MYT1L: variants seen among roughly 807,000 people sequenced by gnomAD.
MYT1L encodes myelin transcription factor 1-like protein.
Under a neutral mutation model 126.7 loss-of-function variants are expected in MYT1L, and 12 were observed. The observed-to-expected ratio is 0.09, with a 90% CI of 0.06 to 0.15. The LOEUF (loss-of-function observed/expected upper bound fraction) is 0.15, where lower values mean the gene tolerates loss of function less well. MYT1L is among the 10% of genes least tolerant of loss of function. The probability of loss-of-function intolerance (pLI) is 1.00; values close to 1 mark genes in which losing one functional copy is unlikely to be tolerated. For missense variants in MYT1L, 979 were observed against 1,585.2 expected, an observed-to-expected ratio of 0.62 and a Z score of 6.49; for synonymous variants, 541 against 604.2, an observed-to-expected ratio of 0.90 and a Z score of 1.53.
intron 1 of MYT1L, among the ~76,000 whole-genome samples, chr2:2,322,160 G>GT (rs113836212): frequency 2.0e-3 from 288 of 145,306 alleles, no homozygotes; most frequent in Middle Eastern, 3.7e-3. Context: ...ATATTTACCT[G>GT]TTTTTTTTTT....
intron 2 of MYT1L, among the ~76,000 whole-genome samples, chr2:2,221,890 T>G (rs1020700402): frequency 2.0e-5 from 3 of 152,198 alleles, no homozygotes; most frequent in Non-Finnish European, 4.4e-5. Context: ...CACTAGCCCC[T>G]CTGTGAAGCT....
intron 3 of MYT1L, among the ~76,000 whole-genome samples, chr2:2,067,780 G>C (rs1332934603): frequency 6.6e-6 from 1 of 152,112 alleles, no homozygotes; most frequent in African/African-American, 2.4e-5. Flanking sequence ...TCTGGAAGAA[G>C]ATATATTTTT....
rs2034925048 is a variant in MYT1L at position 1,801,940 on chromosome 2, T to C, written c.3173-141A>G. The C allele has an allele frequency of 1.7e-6, 1 of 583,468 alleles. No homozygotes were observed. The highest frequency in any genetic ancestry group is 3.0e-6 in the Non-Finnish European group (1 of 337,400). The allele number at this position is 583,468 out of a possible 1,614,324, so 36.1% of individuals were successfully genotyped here. On this transcript the variant is annotated intron_variant, in intron 22 of 24. Coordinates refer to ENST00000647738, the MANE Select transcript of MYT1L (RefSeq NM_001303052.2). This position sits in a 1 kb window ranked among gnomAD's most constrained non-coding sequence, Gnocchi z 4.2. Reference sequence around the variant, plus strand: ...GACTCTTGAATTAGAAAGGAAAAAATCATCACAATCTCTGTGTCTTTCTAT... The same window carrying C: ...GACTCTTGAATTAGAAAGGAAAAAACCATCACAATCTCTGTGTCTTTCTAT...
chr2:1,857,860 CT>C (rs1158845528), intron 18 of MYT1L, among the ~76,000 whole-genome samples: 1 of 144,430 alleles, frequency 6.9e-6, no homozygotes, highest in Non-Finnish European at 1.5e-5. Flanking sequence ...ATACATATTA[CT>C]ATTTTTTTTT....
At chr2:1,957,228 C>G (rs2058562027) in intron 8 of MYT1L, among the ~76,000 whole-genome samples, 1 of 152,198 alleles carries the variant, frequency 6.6e-6, no homozygotes, top group Non-Finnish European at 1.5e-5. Flanking sequence ...CACCTGTCAT[C>G]TCATCTACCA....
chr2:2,144,743 G>T (rs976326839), intron 3 of MYT1L, among the ~76,000 whole-genome samples: 15 of 152,172 alleles, frequency 9.9e-5, no homozygotes, highest in African/African-American at 3.6e-4. Context: ...AAAGGAGCTA[G>T]AACGTTTACA....
intron 3 of MYT1L, among the ~76,000 whole-genome samples, chr2:2,134,669 T>C (rs2082807661): frequency 6.6e-6 from 1 of 152,096 alleles, no homozygotes; most frequent in Admixed American, 6.5e-5. Flanking sequence ...AGCCAGGAAA[T>C]GGGCGCTTAC....
intron 23 of MYT1L, among the ~76,000 whole-genome samples, chr2:1,798,502 G>C (rs1216916440): frequency 6.6e-6 from 1 of 152,186 alleles, no homozygotes; most frequent in Non-Finnish European, 1.5e-5. Flanking sequence ...CTCATGGCTT[G>C]GGCTTGGGAC....
chr2:1,819,951 G>C (rs989568506), intron 21 of MYT1L, among the ~76,000 whole-genome samples: 1 of 152,112 alleles, frequency 6.6e-6, no homozygotes, highest in African/African-American at 2.4e-5. Context: ...ATGTAATCCT[G>C]GCAACCACAC....
At chr2:2,315,061 C>T (rs181979077) in intron 1 of MYT1L, among the ~76,000 whole-genome samples, 15 of 152,246 alleles carry the variant, frequency 9.9e-5, no homozygotes, top group Non-Finnish European at 1.8e-4. Context: ...TAAAGCTTCT[C>T]TGTGCTTTCT....
rs2217624 is a variant in MYT1L at position 1,903,555 on chromosome 2, C to T, written c.1818-261G>A. ...AATCTTTAAATATGTCCTTTTTTCC[C>T]TCTTTCCTGTAAGAGGTCTGGTGGC... On this transcript the variant is annotated intron_variant, in intron 13 of 24. Coordinates refer to ENST00000647738, the MANE Select transcript of MYT1L (RefSeq NM_001303052.2). 0.26 allele frequency among the ~76,000 whole-genome samples: 39,961 copies of T among 151,888 alleles called. 6,602 individuals carry two copies. Among genetic ancestry groups the T allele is most frequent in the African/African-American group, 0.47 (19,527 of 41,382 alleles).
intron 3 of MYT1L, among the ~76,000 whole-genome samples, chr2:2,169,823 C>A (rs896943035): frequency 2.0e-5 from 3 of 152,084 alleles, no homozygotes; most frequent in Non-Finnish European, 4.4e-5. Flanking sequence ...TTGGCTTATG[C>A]GCGGTTTTAT....
At chr2:2,317,382 C>T (rs1008027669) in intron 1 of MYT1L, among the ~76,000 whole-genome samples, 2 of 152,012 alleles carry the variant, frequency 1.3e-5, no homozygotes, top group African/African-American at 4.8e-5. Flanking sequence ...TGTGAAGATG[C>T]CAAACACGCA....
intron 2 of MYT1L, among the ~76,000 whole-genome samples, chr2:2,245,549 T>C (rs1159245003): frequency 5.3e-5 from 8 of 152,040 alleles, no homozygotes; most frequent in Non-Finnish European, 2.9e-5. Flanking sequence ...GAAAGCAAGA[T>C]AGCAGAGAGG....
intron 3 of MYT1L, among the ~76,000 whole-genome samples, chr2:2,158,703 TACAC>T (rs34075925): frequency 0.049 from 7,042 of 144,404 alleles, 193 homozygotes; most frequent in Non-Finnish European, 0.057. Context: ...AACATTCAAG[TACAC>T]ACACACACAC....
intron 2 of MYT1L, among the ~76,000 whole-genome samples, chr2:2,181,163 T>C (rs2091463531): frequency 6.6e-6 from 1 of 151,542 alleles, no homozygotes; most frequent in Non-Finnish European, 1.5e-5. Flanking sequence ...TATGTACCTG[T>C]GTGTGCACAT....
intron 21 of MYT1L, among the ~76,000 whole-genome samples, chr2:1,836,753 G>A (rs1255793930): frequency 6.9e-6 from 1 of 145,040 alleles, no homozygotes; most frequent in Non-Finnish European, 1.5e-5. Flanking sequence ...AATTCCATCA[G>A]CCTGTACCCC....
intron 3 of MYT1L, among the ~76,000 whole-genome samples, chr2:2,084,910 G>A (rs989136161): frequency 6.6e-6 from 1 of 152,212 alleles, no homozygotes; most frequent in Non-Finnish European, 1.5e-5. Flanking sequence ...TCTGACAGAT[G>A]TGCACTCAGC....
intron 3 of MYT1L, among the ~76,000 whole-genome samples, chr2:2,069,874 T>G (rs1204723168): frequency 2.0e-5 from 3 of 151,518 alleles, no homozygotes; most frequent in Non-Finnish European, 4.4e-5. Flanking sequence ...TGTCTTCTTT[T>G]GAAAAGCGTC....
Sources: gnomAD v4.1 joint callset for allele counts (sites outside exome capture counted in the v4.1 genomes callset) on GRCh38, gnomAD v4.1.1 for gene constraint, Gnocchi (gnomAD v3.1) non-coding constraint, MANE v1.5 for transcripts, NCBI Gene and HGNC (gene_info 2026-07-23, HGNC 2026-07-21) for gene names.